Variants in C1orf159 observed in about 807,000 individuals in gnomAD.
The protein encoded by C1orf159 is uncharacterized protein C1orf159.
Under a neutral mutation model 25.6 loss-of-function variants are expected in C1orf159, and 19 were observed. The observed-to-expected ratio is 0.74, with a 90% CI of 0.52 to 1.09. C1orf159 has a LOEUF of 1.09. Ranked by LOEUF, C1orf159 falls within the 50% of genes least tolerant of loss-of-function variation. The pLI is 0.00. For missense variants in C1orf159, 274 were observed against 290.6 expected (o/e 0.94, Z 0.42); for synonymous variants, 139 against 124.7 (o/e 1.12, Z -0.77).
intron 9 of C1orf159, 67 bp downstream of exon 9, chr1:1,084,286 C>G (rs2100739136): frequency 6.6e-7 from 1 of 1,520,956 alleles, no homozygotes; most frequent in South Asian, 1.3e-5. Flanking sequence ...GGGACAAACC[C>G]ACAGAGCACC....
chr1:1,087,427 CAG>C lies in C1orf159; in HGVS notation c.244+73_244+74del, dbSNP rs1645849285. ...GTGGCTCTGGGGCAAGGTGGGGACA[CAG>C]ACAGCAACTCCCACAGTGTCTCCCA... is the stretch of plus-strand genomic sequence containing the variant. On this transcript the variant is annotated intron_variant, in intron 5 of 9. Transcript: ENST00000421241. This position sits in a 1 kb window ranked among gnomAD's most constrained non-coding sequence, Gnocchi z 8.3. 3.6e-6 allele frequency: 5 copies of C among 1,392,486 alleles called. No homozygotes were observed. The highest frequency in any genetic ancestry group is 4.9e-6 in the Non-Finnish European group (5 of 1,020,108). The allele number at this position is 1,392,486 out of a possible 1,614,324, so 86.3% of individuals were successfully genotyped here.
chr1:1,095,439 AAATAGAATGT>A (rs1206800759), intron 1 of C1orf159, among the ~76,000 whole-genome samples: 2 of 152,240 alleles, frequency 1.3e-5, no homozygotes, highest in Non-Finnish European at 2.9e-5. Flanking sequence ...TTGTTATTAC[AAATAGAATGT>A]AATTTCTGAT....
At chr1:1,090,744 C>A in intron 3 of C1orf159, 1 of 842,950 alleles carries the variant, frequency 1.2e-6, no homozygotes, top group Non-Finnish European at 2.0e-6. Context: ...CTGCAAGTCT[C>A]CGGAGGCTCT....
rs1186736745 is a variant in C1orf159, at chr1:1,089,136, A to G, written c.148+1217T>C. ...TGGGGCCGCACGCAGGGGGAAGCGT[A>G]TCCAACACCGCAGGCCCGGCCCCTC... is the stretch of plus-strand genomic sequence containing the variant. On this transcript the variant is annotated intron_variant, in intron 4 of 9. Transcript: ENST00000421241. The surrounding 1 kb of genome is among the most constrained non-coding windows in gnomAD (Gnocchi z 7.5). Among the ~76,000 whole-genome samples, 4 of 152,098 alleles carry G rather than the reference A, an allele frequency of 2.6e-5. No homozygotes were observed. Among genetic ancestry groups the G allele is most frequent in the African/African-American group, 9.7e-5 (4 of 41,416 alleles).
intron 3 of C1orf159, chr1:1,090,672 G>A (rs1645915102): frequency 2.9e-6 from 2 of 694,146 alleles, no homozygotes; most frequent in Non-Finnish European, 5.0e-6. Context: ...AGCTGGGCCT[G>A]GAAGAGTAAA....
intron 2 of C1orf159, 47 bp from the exon 3 acceptor site, chr1:1,091,612 G>C: frequency 7.4e-7 from 1 of 1,343,940 alleles, no homozygotes; most frequent in Non-Finnish European, 1.0e-6. Context: ...GAGTGGGGCT[G>C]AGGCAGGGTG....
At position 1,087,098 on chromosome 1, in the gene C1orf159, C is replaced by T; in HGVS notation, c.310+41G>A. On this transcript the variant is annotated intron_variant, in intron 6 of 9. Transcript: ENST00000421241. The surrounding 1 kb of genome is among the most constrained non-coding windows in gnomAD (Gnocchi z 8.3). ...ACTGGCTCCGACGGCCCCCAGCCCC[C>T]AGGACACCGGCAGAGGTGGCTGTGG... 1 of 1,587,114 alleles carries T rather than the reference C, an allele frequency of 6.3e-7. No homozygotes were observed. The highest frequency in any genetic ancestry group is 8.6e-7 in the Non-Finnish European group (1 of 1,167,120).
chr1:1,097,632 A>C (rs757539079), intron 1 of C1orf159, among the ~76,000 whole-genome samples: 16 of 123,494 alleles, frequency 1.3e-4, no homozygotes, highest in African/African-American at 4.9e-4. Context: ...TCTGATTCCC[A>C]GGCTGGTCTT....
chr1:1,085,385 C>T (rs1054988879), intron 7 of C1orf159: 5 of 329,300 alleles, frequency 1.5e-5, no homozygotes, highest in Middle Eastern at 1.1e-3. Flanking sequence ...GTCACAAGGC[C>T]GTCTCTCCAG....
In C1orf159 at chr1:1,113,373, C is replaced by T. The variant is rs552783395; in HGVS notation, c.-136+2687G>A. ...CTCACCTGAGCTCCACACTCCACCT[C>T]GGCACACGCAACCCTCAGCCAGAGT... On this transcript the variant is annotated intron_variant, in intron 1 of 9. Transcript: ENST00000421241. Among the ~76,000 whole-genome samples the T allele has an allele frequency of 3.5e-4, 53 of 152,308 alleles. 1 individual carries two copies. The highest frequency in any genetic ancestry group is 7.1e-4 in the Non-Finnish European group (48 of 68,028).
intron 1 of C1orf159, among the ~76,000 whole-genome samples, chr1:1,099,018 G>T (rs989755514): frequency 1.7e-5 from 2 of 120,834 alleles, no homozygotes; most frequent in African/African-American, 8.2e-5. Flanking sequence ...TCCAAGAATC[G>T]GAGACAGAGA....
intron 9 of C1orf159, chr1:1,083,296 CAG>C (rs1247959890): frequency 1.2e-5 from 4 of 344,040 alleles, no homozygotes; most frequent in African/African-American, 8.5e-5. Flanking sequence ...TCATGCACCT[CAG>C]GGGGCGACAA....
At chr1:1,096,962 C>T (rs564406793) in intron 1 of C1orf159, among the ~76,000 whole-genome samples, 3 of 152,336 alleles carry the variant, frequency 2.0e-5, no homozygotes, top group South Asian at 4.1e-4. Context: ...TGGTCTTGAA[C>T]TCCTGGGCTC....
chr1:1,102,089 A>C (rs971568539), intron 1 of C1orf159, among the ~76,000 whole-genome samples: 48 of 150,974 alleles, frequency 3.2e-4, no homozygotes, highest in African/African-American at 4.9e-4. Flanking sequence ...AAAAAAAAAA[A>C]AAAAAAACAA....
intron 9 of C1orf159, 186 bp from the exon 10 acceptor site, chr1:1,083,173 G>A: frequency 1.8e-6 from 1 of 557,002 alleles, no homozygotes; most frequent in South Asian, 2.3e-5. Flanking sequence ...CTCCAGCTCG[G>A]GAAAGGGACG....
At chr1:1,083,803 T>C (rs554507538) in intron 9 of C1orf159, 2 of 1,018,760 alleles carry the variant, frequency 2.0e-6, no homozygotes, top group South Asian at 1.6e-5. Flanking sequence ...GACAGACTTC[T>C]GCACAGGGGG....
intron 3 of C1orf159, chr1:1,090,709 G>A (rs1645916348): frequency 5.4e-6 from 4 of 746,270 alleles, no homozygotes; most frequent in Non-Finnish European, 9.2e-6. Context: ...GCACCCGCAG[G>A]CCATGGCAGC....
chr1:1,096,623 G>C (rs1646012573), intron 1 of C1orf159, among the ~76,000 whole-genome samples: 1 of 152,256 alleles, frequency 6.6e-6, no homozygotes, highest in African/African-American at 2.4e-5. Context: ...TGAACAGAAA[G>C]AGGACCATGC....
chr1:1,094,884 G>A (rs1394724218), intron 1 of C1orf159, among the ~76,000 whole-genome samples: 1 of 152,174 alleles, frequency 6.6e-6, no homozygotes, highest in Non-Finnish European at 1.5e-5. Context: ...AAGTGTTACA[G>A]TTTTAGCTTT....
Sources: gnomAD v4.1 joint callset for allele counts (sites outside exome capture counted in the v4.1 genomes callset) on GRCh38, gnomAD v4.1.1 for gene constraint, Gnocchi (gnomAD v3.1) non-coding constraint, MANE v1.5 for transcripts, NCBI Gene and HGNC (gene_info 2026-07-23, HGNC 2026-07-21) for gene names.